Variants in ASTN2 observed in about 807,000 individuals in gnomAD.
The protein encoded by ASTN2 is astrotactin 2.
Under a neutral mutation model 139.8 loss-of-function variants are expected in ASTN2, and 54 were observed. The observed-to-expected ratio is 0.39, with a 90% CI of 0.31 to 0.48. ASTN2 has a LOEUF of 0.48. Among genes scored for constraint, ASTN2 ranks in the 20% least tolerant of loss-of-function variants. The pLI, the probability that ASTN2 is intolerant of heterozygous loss-of-function variation, is 0.95. For synonymous variants in ASTN2, 756 were observed against 719.5 expected (o/e 1.05, Z -0.81); for missense variants, 1,565 against 1,725.1 (o/e 0.91, Z 1.64).
chr9:116,685,407 C>T (rs1185303592), intron 16 of ASTN2, among the ~76,000 whole-genome samples: 2 of 152,150 alleles, frequency 1.3e-5, no homozygotes, highest in Non-Finnish European at 1.5e-5. Context: ...GCTGACTCTG[C>T]GTGAATTACT....
At chr9:116,553,417 C>T (rs959627262) in intron 19 of ASTN2, among the ~76,000 whole-genome samples, 2 of 152,188 alleles carry the variant, frequency 1.3e-5, no homozygotes, top group African/African-American at 4.8e-5. Context: ...CTCTTCTGAA[C>T]TTCAATTTCC....
rs574260278 is a variant in ASTN2 at position 117,023,869 on chromosome 9, C to G, written c.1424-15610G>C. The stretch of plus-strand genomic sequence containing the variant: ...GAGAAGGATGGGGACTGAAATAGGA[C>G]TGGAGGCCTCTAGATGCCAACTTGC... On this transcript the variant is annotated intron_variant, in intron 6 of 22. Transcript: ENST00000313400. Among the ~76,000 whole-genome samples the G allele has an allele frequency of 5.7e-4, 87 of 152,166 alleles. No homozygotes were observed. The South Asian group carries it at 0.018, about 31-fold the overall frequency.
intron 2 of ASTN2, among the ~76,000 whole-genome samples, chr9:117,245,974 T>C (rs1833368996): frequency 6.6e-6 from 1 of 152,164 alleles, no homozygotes; most frequent in Non-Finnish European, 1.5e-5. Context: ...ACTTCCCCCA[T>C]TCAACTCCAA....
intron 12 of ASTN2, among the ~76,000 whole-genome samples, chr9:116,812,272 T>C (rs567980567): frequency 1.7e-4 from 26 of 152,306 alleles, no homozygotes; most frequent in African/African-American, 4.8e-4. Context: ...AAGGAGACTT[T>C]GAAGATGGGA....
At chr9:117,268,279 T>G (rs1486219280) in intron 2 of ASTN2, among the ~76,000 whole-genome samples, 2 of 152,170 alleles carry the variant, frequency 1.3e-5, no homozygotes, top group Non-Finnish European at 2.9e-5. Flanking sequence ...TAATGTTGGA[T>G]GGAATTCCTG....
chr9:117,301,946 A>G (rs1365161939), intron 1 of ASTN2, among the ~76,000 whole-genome samples: 3 of 151,488 alleles, frequency 2.0e-5, no homozygotes, highest in African/African-American at 7.3e-5. Flanking sequence ...AGCTGTGAGA[A>G]TAACAGGAGA....
chr9:116,714,516 ACAAACATCAATTCATTTAAATCTC>A (rs1386566410), intron 16 of ASTN2, among the ~76,000 whole-genome samples: 1 of 152,250 alleles, frequency 6.6e-6, no homozygotes, highest in Non-Finnish European at 1.5e-5. Context: ...TAATCACTTT[ACAAACATCAATTCATTTAAATCTC>A]ATAACAATAC....
At chr9:116,622,184 G>T (rs1322975699) in intron 17 of ASTN2, among the ~76,000 whole-genome samples, 1 of 151,946 alleles carries the variant, frequency 6.6e-6, no homozygotes. Context: ...TAAAGTCTGG[G>T]GTCTCCCTTC....
chr9:116,496,567 C>T (rs1056439958), intron 19 of ASTN2, among the ~76,000 whole-genome samples: 1 of 152,130 alleles, frequency 6.6e-6, no homozygotes, highest in African/African-American at 2.4e-5. Context: ...GAACAAGATA[C>T]CCCCCAGAAC....
intron 4 of ASTN2, among the ~76,000 whole-genome samples, chr9:117,114,846 T>G (rs1180122552): frequency 6.6e-6 from 1 of 152,138 alleles, no homozygotes; most frequent in African/African-American, 2.4e-5. Flanking sequence ...ACTCAGAGAT[T>G]AGCATTTTGG....
chr9:117,282,836 G>A lies in ASTN2; in HGVS notation c.630+8490C>T, dbSNP rs560398826. ...ATGTGTAAGGTGCATGAGAAGTAAAGCATGGTGTGGCCAAGGCACTATGAT... is the reference window on the plus strand; with the variant it reads ...ATGTGTAAGGTGCATGAGAAGTAAAACATGGTGTGGCCAAGGCACTATGAT... On this transcript the variant is annotated intron_variant, in intron 2 of 22. Transcript: ENST00000313400. Among the ~76,000 whole-genome samples the A allele has an allele frequency of 3.6e-5, 5 of 137,384 alleles. 1 individual carries two copies. Among genetic ancestry groups the A allele is most frequent in the African/African-American group, 1.8e-4 (5 of 27,438 alleles). 90.1% of individuals were successfully genotyped at this position (137,384 alleles called of 152,430 possible).
At chr9:116,977,297 T>C (rs1836368178) in intron 7 of ASTN2, among the ~76,000 whole-genome samples, 1 of 152,198 alleles carries the variant, frequency 6.6e-6, no homozygotes, top group Middle Eastern at 3.2e-3. Flanking sequence ...GTCTGTAGTC[T>C]CCTGGTTTTA....
chr9:117,133,828 T>C (rs1189459620), intron 4 of ASTN2, among the ~76,000 whole-genome samples: 1 of 152,058 alleles, frequency 6.6e-6, no homozygotes, highest in Non-Finnish European at 1.5e-5. Flanking sequence ...ATTTGCATAT[T>C]GGCAATGGGA....
In ASTN2 at chr9:116,687,360, C is replaced by G. The variant is rs538918400; in HGVS notation, c.2807-35567G>C. 124 of 531,230 alleles carry G rather than the reference C, an allele frequency of 2.3e-4. No individual in the cohort carries two copies. In the African/African-American group the frequency reaches 2.6e-3, roughly 11 times the overall value. 32.9% of individuals were successfully genotyped at this position (531,230 alleles called of 1,614,324 possible). ...GCGGGTGGGCTGCCGGCGGTGGACT[C>G]GTCGGAGCCGCGGGCGGTCAGGTAG... On this transcript the variant is annotated intron_variant, in intron 16 of 22. Coordinates refer to ENST00000313400, the MANE Select transcript of ASTN2 (RefSeq NM_001365068.1).
intron 6 of ASTN2, among the ~76,000 whole-genome samples, chr9:117,010,349 A>C (rs923295194): frequency 6.6e-6 from 1 of 152,200 alleles, no homozygotes; most frequent in African/African-American, 2.4e-5. Flanking sequence ...TCTTTAAAAA[A>C]GCACAGTCAT....
At chr9:116,752,609 AT>A (rs1422204495) in intron 13 of ASTN2, among the ~76,000 whole-genome samples, 3 of 152,220 alleles carry the variant, frequency 2.0e-5, no homozygotes, top group Non-Finnish European at 4.4e-5. Context: ...GACTGGGAAT[AT>A]TTACAAAACA....
intron 13 of ASTN2, among the ~76,000 whole-genome samples, chr9:116,752,417 C>T (rs571832742): frequency 6.8e-4 from 103 of 152,168 alleles, no homozygotes; most frequent in African/African-American, 2.4e-3. Flanking sequence ...AATGTAAAAA[C>T]CTACAAAACT....
In ASTN2 at chr9:117,254,154, G is replaced by T. The variant is rs532566670; in HGVS notation, c.630+37172C>A. On this transcript the variant is annotated intron_variant, in intron 2 of 22. Transcript: ENST00000313400. Reference sequence around the variant, plus strand: ...CAGATTTTTCCATCTGTCAAATGGGGCCAATAATAGGTACCATAGAATGAT... The same window carrying T: ...CAGATTTTTCCATCTGTCAAATGGGTCCAATAATAGGTACCATAGAATGAT... Among the ~76,000 whole-genome samples, 424 of 152,192 alleles carry T rather than the reference G, an allele frequency of 2.8e-3. 1 individual carries two copies. Among genetic ancestry groups the T allele is most frequent in the African/African-American group, 9.8e-3 (405 of 41,508 alleles).
At chr9:116,555,808 G>A (rs1459439043) in intron 19 of ASTN2, among the ~76,000 whole-genome samples, 4 of 152,180 alleles carry the variant, frequency 2.6e-5, no homozygotes, top group African/African-American at 9.7e-5. Flanking sequence ...GCTGGCTGTG[G>A]ACTGAGGATA....
Sources: gnomAD v4.1 joint callset for allele counts (sites outside exome capture counted in the v4.1 genomes callset) on GRCh38, gnomAD v4.1.1 for gene constraint, MANE v1.5 for transcripts, NCBI Gene and HGNC (gene_info 2026-07-23, HGNC 2026-07-21) for gene names.